GDF3: variants seen among roughly 807,000 people sequenced by gnomAD.
GDF3 encodes the protein growth/differentiation factor 3.
In GDF3, 10 loss-of-function variants were observed where a neutral mutation model predicts 10.2. The ratio of observed to expected loss-of-function variants is 0.98; its 90% CI spans 0.60 to 1.66. The LOEUF (loss-of-function observed/expected upper bound fraction) is 1.66. Among genes scored for constraint, GDF3 ranks in the 40% most tolerant of loss-of-function variants. The probability of loss-of-function intolerance (pLI) is 0.00; values close to 1 mark genes in which losing one functional copy is unlikely to be tolerated. For synonymous variants in GDF3, 166 were observed against 178.5 expected, an observed-to-expected ratio of 0.93 and a Z score of 0.56; for missense variants, 450 against 438.3, an observed-to-expected ratio of 1.03 and a Z score of -0.24.
chr12:7,690,026 A>AG lies in GDF3; in HGVS notation c.946dup (p.Leu316ProfsTer6). 1 of 1,613,864 alleles carries AG rather than the reference A, an allele frequency of 6.2e-7. No homozygotes were observed. The highest frequency in any genetic ancestry group is 8.5e-7 in the Non-Finnish European group (1 of 1,179,746). ...GATCTCTGGGTCAACGGCATGCATC[A>AG]GGGCTTGCATGAAAGCATAATTGGA... On this transcript the variant is annotated frameshift_variant, in exon 2 of 2. Coordinates refer to ENST00000329913, the MANE Select transcript of GDF3 (RefSeq NM_020634.3). LOFTEE classifies it low-confidence loss of function (END_TRUNC).
At chr12:7,693,748 C>G (rs990673982) in intron 1 of GDF3, among the ~76,000 whole-genome samples, 1 of 151,320 alleles carries the variant, frequency 6.6e-6, no homozygotes, top group Non-Finnish European at 1.5e-5. Flanking sequence ...AAGTTAGAGA[C>G]CAGCCTCATG....
chr12:7,690,086 T>C lies in GDF3; in HGVS notation c.887A>G (p.Glu296Gly), dbSNP rs775383579. The stretch of plus-strand genomic sequence containing the variant: ...AGAGATGGTCAGTGAGAAGGGACAC[T>C]CTCCATGGCAGTAATTTGCCATGAA... Reference protein sequence around the residue: ...KGFMANYCHGECPFSLTISLN... With the variant: ...KGFMANYCHGGCPFSLTISLN... Residue 296 changes from glutamate (E) to glycine (G), a missense_variant, in exon 2 of 2, where the codon GAG becomes GGG. By Grantham distance (98) the Glu-to-Gly change is moderately conservative. Coordinates refer to ENST00000329913, the MANE Select transcript of GDF3 (RefSeq NM_020634.3). 7.6e-5 allele frequency: 122 copies of C among 1,613,864 alleles called. No homozygotes were observed. The highest frequency in any genetic ancestry group is 1.0e-4 in the Non-Finnish European group (119 of 1,179,950).
Position 7,694,234 on chromosome 12 carries a change from G to A in GDF3, c.268+1227C>T, listed in dbSNP as rs1487190276. Among the ~76,000 whole-genome samples, 4 of 152,144 alleles carry A rather than the reference G, an allele frequency of 2.6e-5. 1 individual carries two copies. The highest frequency in any genetic ancestry group is 6.8e-3 in the Middle Eastern group (2 of 294). The stretch of plus-strand genomic sequence containing the variant: ...AGAATTTTGCAGACGAGAATTTTAC[G>A]TGGAGGAGCAGTACGACTCAATACG... On this transcript the variant is annotated intron_variant, in intron 1 of 1. Transcript: ENST00000329913.
intron 1 of GDF3, 141 bp from the exon 2 acceptor site, chr12:7,690,845 T>C: frequency 1.6e-6 from 1 of 641,936 alleles, no homozygotes; most frequent in East Asian, 2.8e-5. Context: ...AGGGTTTGTT[T>C]CTCTATTCCT....
At chr12:7,692,533 G>T (rs187361842) in intron 1 of GDF3, among the ~76,000 whole-genome samples, 2 of 146,898 alleles carry the variant, frequency 1.4e-5, no homozygotes, top group Non-Finnish European at 3.0e-5. Flanking sequence ...TTTCTGAGAC[G>T]GAGTCCTGCT....
chr12:7,691,098 C>T (rs1363020915), intron 1 of GDF3, among the ~76,000 whole-genome samples: 4 of 149,968 alleles, frequency 2.7e-5, no homozygotes, highest in Admixed American at 6.7e-5. Flanking sequence ...TGCAGTGAGC[C>T]GAGATCGCGC....
chr12:7,690,685 C>T lies in GDF3; in HGVS notation c.288G>A (p.Lys96=), dbSNP rs775800295. 7 of 1,610,490 alleles carry T rather than the reference C, an allele frequency of 4.3e-6. No homozygotes were observed. The South Asian group carries it at 4.4e-5, about 10-fold the overall frequency. Residue 96 remains lysine (K), a synonymous_variant, in exon 2 of 2, where the codon AAG becomes AAA. Transcript: ENST00000329913. Reference sequence around the variant, plus strand: ...GGCAGGAGGAAGCTTGGGAAATTTTCTTTGGGTAAAGAAAGAAACCTAGAT... The same window carrying T: ...GGCAGGAGGAAGCTTGGGAAATTTTTTTTGGGTAAAGAAAGAAACCTAGAT... ...LPDQGFFLYP[K]KISQASSCLQ...
Sources: allele counts gnomAD v4.1 joint callset (sites outside exome capture counted in the v4.1 genomes callset), GRCh38; gene constraint gnomAD v4.1.1; transcripts MANE v1.5; gene names NCBI Gene and HGNC (gene_info 2026-07-23, HGNC 2026-07-21).